ALPK2: variants seen among roughly 807,000 people sequenced by gnomAD.
ALPK2 encodes the protein alpha-protein kinase 2.
A neutral mutation model predicts 163.1 loss-of-function variants in ALPK2; 127 were observed. The ratio of observed to expected loss-of-function variants is 0.78; its 90% CI spans 0.67 to 0.90. ALPK2 has a LOEUF of 0.90. ALPK2 is among the 40% of genes least tolerant of loss of function. ALPK2 has a pLI of 0.00. For missense variants in ALPK2, 2,360 were observed against 2,589.6 expected, an observed-to-expected ratio of 0.91 and a Z score of 1.92; for synonymous variants, 953 against 959.1, an observed-to-expected ratio of 0.99 and a Z score of 0.12.
intron 9 of ALPK2, among the ~76,000 whole-genome samples, 192 bp from the exon 10 acceptor site, chr18:58,515,273 G>A (rs2051515300): frequency 6.6e-6 from 1 of 152,182 alleles, no homozygotes; most frequent in Non-Finnish European, 1.5e-5. Flanking sequence ...GCTCTGAGAC[G>A]TCAAGGAACT....
chr18:58,611,959 C>T (rs1196529380), intron 1 of ALPK2, 142 bp from the exon 2 acceptor site: 1 of 573,986 alleles, frequency 1.7e-6, no homozygotes, highest in Non-Finnish European at 3.0e-6. Flanking sequence ...TTTGGGCAGC[C>T]TTTCCAGGCC....
Position 58,580,232 on chromosome 18 carries a change from T to C in ALPK2, c.544A>G (p.Ile182Val). 1 of 1,614,244 alleles carries C rather than the reference T, an allele frequency of 6.2e-7. No homozygotes were observed. Among genetic ancestry groups the C allele is most frequent in the Non-Finnish European group, 8.5e-7 (1 of 1,180,034 alleles). The change falls in exon 4 of 13, where the codon ATT becomes GTT. Residue 182 changes from isoleucine to valine, a missense_variant. Coordinates refer to ENST00000361673, the MANE Select transcript of ALPK2 (RefSeq NM_052947.4). Reference sequence around the variant, plus strand: ...GGATTTTCAGAACTGGACACACTAATGTCAAGATTGCCCAATGACTGGAGG... The same window carrying C: ...GGATTTTCAGAACTGGACACACTAACGTCAAGATTGCCCAATGACTGGAGG... ...LSLQSLGNLDISVSSSENPLG... is the reference protein window; with the variant it reads ...LSLQSLGNLDVSVSSSENPLG...
chr18:58,573,857 G>A (rs1568089687), intron 4 of ALPK2, among the ~76,000 whole-genome samples: 1 of 152,154 alleles, frequency 6.6e-6, no homozygotes, highest in South Asian at 2.1e-4. Context: ...GAAGCACCAT[G>A]CAAGATCTCA....
At chr18:58,563,076 G>A (rs1003590333) in intron 4 of ALPK2, among the ~76,000 whole-genome samples, 1 of 152,188 alleles carries the variant, frequency 6.6e-6, no homozygotes, top group African/African-American at 2.4e-5. Flanking sequence ...GGGGAATTTG[G>A]CAGCTCATAT....
chr18:58,563,791 T>A (rs1268670346), intron 4 of ALPK2, among the ~76,000 whole-genome samples: 1 of 152,246 alleles, frequency 6.6e-6, no homozygotes, highest in East Asian at 1.9e-4. Context: ...GTTTCATTAT[T>A]GTGAACCATG....
intron 3 of ALPK2, among the ~76,000 whole-genome samples, chr18:58,592,891 G>A (rs1443153169): frequency 6.6e-6 from 1 of 152,132 alleles, no homozygotes; most frequent in African/African-American, 2.4e-5. Context: ...GAGGATTAAG[G>A]GATTAACTCC....
chr18:58,507,066 A>G (rs139761658), intron 10 of ALPK2, among the ~76,000 whole-genome samples: 1 of 152,384 alleles, frequency 6.6e-6, no homozygotes, highest in Non-Finnish European at 1.5e-5. Flanking sequence ...ATGGCGGGCC[A>G]TAGAGGCAAG....
intron 3 of ALPK2, among the ~76,000 whole-genome samples, chr18:58,598,349 T>C (rs1302135017): frequency 6.6e-6 from 1 of 152,174 alleles, no homozygotes; most frequent in African/African-American, 2.4e-5. Context: ...GAGCATGTGC[T>C]TGGGAGAAGA....
intron 3 of ALPK2, among the ~76,000 whole-genome samples, chr18:58,593,318 C>A (rs1393584033): frequency 6.6e-6 from 1 of 152,206 alleles, no homozygotes; most frequent in African/African-American, 2.4e-5. Context: ...GTAGTCCCAG[C>A]ACTTTGGGAG....
At chr18:58,621,223 G>T (rs2052197049) in intron 1 of ALPK2, among the ~76,000 whole-genome samples, 1 of 150,700 alleles carries the variant, frequency 6.6e-6, no homozygotes, top group Non-Finnish European at 1.5e-5. Context: ...ATAATCTCCG[G>T]GATACATTAA....
chr18:58,604,675 C>A (rs1255713749), intron 3 of ALPK2, among the ~76,000 whole-genome samples: 1 of 152,196 alleles, frequency 6.6e-6, no homozygotes, highest in African/African-American at 2.4e-5. Context: ...TGCATTACGA[C>A]GGAATACTTT....
Position 58,537,835 on chromosome 18 carries a change from A to T in ALPK2, c.2352T>A (p.Thr784=). The T allele has an allele frequency of 6.2e-7, 1 of 1,614,158 alleles. No individual in the cohort carries two copies. The highest frequency in any genetic ancestry group is 8.5e-7 in the Non-Finnish European group (1 of 1,180,020). The change falls in exon 5 of 13, where the codon ACT becomes ACA. Residue 784 remains threonine (T), a synonymous_variant. Coordinates refer to ENST00000361673, the MANE Select transcript of ALPK2 (RefSeq NM_052947.4). ...VSVASPEPTD[T]ALTLENVCDE... Reference sequence around the variant, plus strand: ...CACACACATTTTCCAGGGTGAGGGCAGTATCTGTGGGTTCAGGGGAAGCAA... The same window carrying T: ...CACACACATTTTCCAGGGTGAGGGCTGTATCTGTGGGTTCAGGGGAAGCAA...
chr18:58,573,318 G>GTATA (rs377185850), intron 4 of ALPK2, among the ~76,000 whole-genome samples: 1 of 139,054 alleles, frequency 7.2e-6, no homozygotes, highest in African/African-American at 2.7e-5. Flanking sequence ...ATATATGTGT[G>GTATA]TATATATGTA....
chr18:58,499,997 AT>A, intron 11 of ALPK2, among the ~76,000 whole-genome samples: 1 of 152,244 alleles, frequency 6.6e-6, no homozygotes, highest in Non-Finnish European at 1.5e-5. Flanking sequence ...TGCTGGGAGC[AT>A]GGCAAAAACA....
At chr18:58,483,372 G>T (rs1390515676) in intron 12 of ALPK2, among the ~76,000 whole-genome samples, 1 of 152,080 alleles carries the variant, frequency 6.6e-6, no homozygotes, top group Non-Finnish European at 1.5e-5. Flanking sequence ...TCCTGAAACT[G>T]CCTGTGATCC....
At chr18:58,583,527 C>A (rs1310378286) in intron 3 of ALPK2, among the ~76,000 whole-genome samples, 1 of 152,024 alleles carries the variant, frequency 6.6e-6, no homozygotes, top group Non-Finnish European at 1.5e-5. Flanking sequence ...TAAAAAAGCA[C>A]TACAAGCTGA....
At chr18:58,520,287 A>G (rs8091783) in intron 8 of ALPK2, among the ~76,000 whole-genome samples, 112,418 of 151,818 alleles carry the variant, frequency 0.74, 41,912 homozygotes, top group Middle Eastern at 0.78. Flanking sequence ...AAAATTAGTC[A>G]GGTGTGGTGG....
chr18:58,579,735 G>A lies in ALPK2; in HGVS notation c.1041C>T (p.Asn347=). The change falls in exon 4 of 13, where the codon AAC becomes AAT. Residue 347 remains asparagine (N), a synonymous_variant. Coordinates refer to ENST00000361673, the MANE Select transcript of ALPK2 (RefSeq NM_052947.4). ...AAAAAACATGCTCAGTCCCCAGCAG[G>A]TTCCTTTGCCAAACTGCATTAGAGT... ...TDYSNAVWQR[N]LLGTEHVFLL... 3.7e-6 allele frequency: 6 copies of A among 1,614,204 alleles called. No individual in the cohort carries two copies. The highest frequency in any genetic ancestry group is 5.1e-6 in the Non-Finnish European group (6 of 1,180,040).
intron 1 of ALPK2, among the ~76,000 whole-genome samples, chr18:58,622,645 T>C (rs2052207927): frequency 6.6e-6 from 1 of 152,240 alleles, no homozygotes. Context: ...TTGAGTTAAC[T>C]GATTAAAATC....
Sources: gnomAD v4.1 joint callset for allele counts (sites outside exome capture counted in the v4.1 genomes callset) on GRCh38, gnomAD v4.1.1 for gene constraint, MANE v1.5 for transcripts, NCBI Gene and HGNC (gene_info 2026-07-23, HGNC 2026-07-21) for gene names.